The following AUTS2 variants were observed in gnomAD, a reference collection of about 807,000 sequenced individuals.
AUTS2 encodes autism susceptibility gene 2 protein.
Under a neutral mutation model 112.4 loss-of-function variants are expected in AUTS2, and 17 were observed. The ratio of observed to expected loss-of-function variants is 0.15; its 90% CI spans 0.10 to 0.23. AUTS2 has a LOEUF of 0.23. Ranked by LOEUF, AUTS2 falls within the 10% of genes least tolerant of loss-of-function variation. AUTS2 has a pLI of 1.00. For missense variants in AUTS2, 1,510 were observed against 1,701.6 expected (o/e 0.89, Z 1.98); for synonymous variants, 751 against 702.7 (o/e 1.07, Z -1.09).
intron 2 of AUTS2, among the ~76,000 whole-genome samples, chr7:70,104,176 CT>C (rs11294643): frequency 0.22 from 30,611 of 141,880 alleles, 3,103 homozygotes; most frequent in Middle Eastern, 0.27. Flanking sequence ...ATATATACAC[CT>C]TTTTTTTTTT....
intron 5 of AUTS2, among the ~76,000 whole-genome samples, chr7:70,622,419 G>A (rs1456121786): frequency 1.3e-5 from 2 of 152,168 alleles, no homozygotes; most frequent in South Asian, 2.1e-4. Flanking sequence ...AGCAGAACAC[G>A]GTGTTCAGCC....
At chr7:69,895,986 T>C (rs1794726150) in intron 1 of AUTS2, among the ~76,000 whole-genome samples, 1 of 152,160 alleles carries the variant, frequency 6.6e-6, no homozygotes, top group Admixed American at 6.5e-5. Context: ...TGTGGGGAGT[T>C]TTTATATTAC....
intron 4 of AUTS2, among the ~76,000 whole-genome samples, chr7:70,282,120 C>T (rs931431366): frequency 2.0e-5 from 3 of 152,138 alleles, no homozygotes; most frequent in Non-Finnish European, 4.4e-5. Flanking sequence ...CTTCCCTGGG[C>T]ATGTTAACCT....
intron 1 of AUTS2, among the ~76,000 whole-genome samples, chr7:69,622,878 C>T (rs544649171): frequency 1.3e-5 from 2 of 152,182 alleles, no homozygotes; most frequent in African/African-American, 4.8e-5. Context: ...TAAAGGAATC[C>T]TCCCACCTCA....
rs754301116 is a variant in AUTS2 at position 70,435,765 on chromosome 7, G to A, written c.674G>A (p.Ser225Asn). 1.2e-6 allele frequency: 2 copies of A among 1,614,078 alleles called. No individual in the cohort carries two copies. The highest frequency in any genetic ancestry group is 2.2e-5 in the South Asian group (2 of 91,074). ...CTTCATTTTCAGTGTGACAGTGACA[G>A]TGACCAGGAAGAGAAGGTAAGACCC... Reference protein sequence around the residue: ...LGTGYFCDSDSDQEEKASDAS... With the variant: ...LGTGYFCDSDNDQEEKASDAS... Residue 225 changes from serine to asparagine, a missense_variant, in exon 5 of 19, where the codon AGT becomes AAT. Ser to Asn is a conservative substitution (Grantham distance 46). Around this residue, in one of 3 missense-constraint regions of AUTS2, gnomAD observed 535 missense variants for 594.3 expected, o/e 0.90. Transcript: ENST00000342771.
chr7:70,063,072 A>ACCTGTCC (rs759554722), intron 2 of AUTS2, among the ~76,000 whole-genome samples: 42 of 152,052 alleles, frequency 2.8e-4, no homozygotes, highest in Non-Finnish European at 4.7e-4. Context: ...GTGTAGGGCA[A>ACCTGTCC]CCTGTCCCCA....
chr7:70,755,117 A>G (rs1456077218), intron 6 of AUTS2, among the ~76,000 whole-genome samples: 1 of 152,210 alleles, frequency 6.6e-6, no homozygotes, highest in Non-Finnish European at 1.5e-5. Context: ...AACAGGTGGA[A>G]GGTTTAATAT....
chr7:70,179,445 C>T (rs141525942), intron 4 of AUTS2, among the ~76,000 whole-genome samples: 7 of 152,214 alleles, frequency 4.6e-5, no homozygotes, highest in Non-Finnish European at 7.4e-5. Context: ...ATAGTTTTCC[C>T]GGGAACCTCC....
chr7:70,404,435 G>A (rs1056984555), intron 4 of AUTS2, among the ~76,000 whole-genome samples: 1 of 152,148 alleles, frequency 6.6e-6, no homozygotes, highest in Admixed American at 6.5e-5. Context: ...TTGTTGTGAA[G>A]GCTCCTTTGT....
At chr7:69,780,538 G>A (rs930730629) in intron 1 of AUTS2, among the ~76,000 whole-genome samples, 12 of 152,188 alleles carry the variant, frequency 7.9e-5, no homozygotes, top group Non-Finnish European at 2.9e-5. Context: ...GGGCAAAGAG[G>A]AGGAGGGCGG....
intron 5 of AUTS2, among the ~76,000 whole-genome samples, chr7:70,527,876 C>A (rs1799909220): frequency 6.6e-6 from 1 of 152,128 alleles, no homozygotes; most frequent in Non-Finnish European, 1.5e-5. Flanking sequence ...TCAGTGACAT[C>A]TAGATTTAGA....
chr7:69,767,707 T>C (rs1361416799), intron 1 of AUTS2, among the ~76,000 whole-genome samples: 1 of 152,250 alleles, frequency 6.6e-6, no homozygotes, highest in African/African-American at 2.4e-5. Flanking sequence ...TTTATGTATG[T>C]GATCATTTGC....
intron 3 of AUTS2, chr7:70,119,899 A>G (rs1456727939): frequency 2.0e-5 from 3 of 152,234 alleles, no homozygotes; most frequent in Non-Finnish European, 4.4e-5. Flanking sequence ...AGAGTGCAAG[A>G]TGATTCATTG....
intron 5 of AUTS2, among the ~76,000 whole-genome samples, chr7:70,638,488 A>G (rs1805639436): frequency 6.6e-6 from 1 of 152,202 alleles, no homozygotes; most frequent in African/African-American, 2.4e-5. Context: ...TCTGCAAATG[A>G]ACTTTTCAAG....
intron 5 of AUTS2, among the ~76,000 whole-genome samples, chr7:70,439,780 T>C (rs1796050166): frequency 6.6e-6 from 1 of 152,202 alleles, no homozygotes; most frequent in Non-Finnish European, 1.5e-5. Flanking sequence ...TATTTTATTG[T>C]TTCCTTTCTT....
chr7:70,609,956 TTTTTTGTTGTTGTTGTTG>T (rs1390830781), intron 5 of AUTS2, among the ~76,000 whole-genome samples: 8 of 128,392 alleles, frequency 6.2e-5, no homozygotes, highest in African/African-American at 1.4e-4. Context: ...GGAAGTTCTG[TTTTTTGTTGTTGTTGTTG>T]TTGTTGTTGT....
rs4718924 is a variant in AUTS2 at position 70,105,358 on chromosome 7, C to T, written c.523-12774C>T. On this transcript the variant is annotated intron_variant, in intron 2 of 18. Coordinates refer to ENST00000342771, the MANE Select transcript of AUTS2 (RefSeq NM_015570.4). ...CACTGCAGCCTCGAACTCCTGGGCTCGGGCAATCCTCGTGCCTCAGTCTCC... is the reference window on the plus strand; with the variant it reads ...CACTGCAGCCTCGAACTCCTGGGCTTGGGCAATCCTCGTGCCTCAGTCTCC... Among the ~76,000 whole-genome samples, 1,319 of 152,220 alleles carry T rather than the reference C, an allele frequency of 8.7e-3. 48 individuals carry two copies. The East Asian group carries it at 0.1, about 12-fold the overall frequency.
intron 4 of AUTS2, among the ~76,000 whole-genome samples, chr7:70,331,173 G>T (rs1354427268): frequency 6.6e-6 from 1 of 152,076 alleles, no homozygotes; most frequent in African/African-American, 2.4e-5. Context: ...GAATCCGTCT[G>T]GTCCTGGGCT....
intron 2 of AUTS2, among the ~76,000 whole-genome samples, chr7:70,102,828 G>T (rs1333272418): frequency 1.3e-5 from 2 of 151,692 alleles, no homozygotes; most frequent in African/African-American, 4.8e-5. Flanking sequence ...TGCTTGTCTG[G>T]TCTAATATGA....
Sources: gnomAD v4.1 joint callset for allele counts (sites outside exome capture counted in the v4.1 genomes callset) on GRCh38, gnomAD v4.1.1 for gene constraint, gnomAD v4.1.1 regional missense constraint, MANE v1.5 for transcripts, NCBI Gene and HGNC (gene_info 2026-07-23, HGNC 2026-07-21) for gene names.